ASTN2: variants seen among roughly 807,000 people sequenced by gnomAD.
The protein encoded by ASTN2 is astrotactin-2.
ASTN2 carries 54 observed loss-of-function variants against 139.8 expected under a neutral mutation model. The ratio of observed to expected loss-of-function variants is 0.39; its 90% CI spans 0.31 to 0.48. The LOEUF (loss-of-function observed/expected upper bound fraction) is 0.48. ASTN2 is among the 20% of genes least tolerant of loss of function. ASTN2 has a pLI of 0.95. For synonymous variants in ASTN2, 756 were observed against 719.5 expected, an observed-to-expected ratio of 1.05 and a Z score of -0.81; for missense variants, 1,565 against 1,725.1, an observed-to-expected ratio of 0.91 and a Z score of 1.64.
intron 5 of ASTN2, among the ~76,000 whole-genome samples, chr9:117,075,438 A>T (rs1828253721): frequency 1.3e-5 from 2 of 150,194 alleles, no homozygotes; most frequent in Non-Finnish European, 3.0e-5. Context: ...AGGCTCATGA[A>T]TCCTGAACCA....
chr9:116,676,099 C>T (rs1859482020), intron 16 of ASTN2, among the ~76,000 whole-genome samples: 1 of 152,076 alleles, frequency 6.6e-6, no homozygotes, highest in African/African-American at 2.4e-5. Context: ...GTGGCTTGAC[C>T]CCCACAGCTA....
chr9:117,364,351 G>A (rs1231349824), intron 1 of ASTN2, among the ~76,000 whole-genome samples: 1 of 152,136 alleles, frequency 6.6e-6, no homozygotes, highest in South Asian at 2.1e-4. Flanking sequence ...TCAAGCATTG[G>A]GCTACATTTT....
intron 3 of ASTN2, among the ~76,000 whole-genome samples, chr9:117,141,797 T>C (rs936589115): frequency 2.0e-5 from 3 of 152,236 alleles, no homozygotes; most frequent in Non-Finnish European, 2.9e-5. Context: ...TAATTCTTAG[T>C]TCAGTAGGAG....
chr9:116,881,935 G>A (rs1170573986), intron 10 of ASTN2, among the ~76,000 whole-genome samples: 14 of 151,940 alleles, frequency 9.2e-5, no homozygotes, highest in Admixed American at 9.2e-4. Context: ...AATGAATGGA[G>A]TTTTTATGTG....
At chr9:117,063,255 G>A (rs1839345700) in intron 5 of ASTN2, among the ~76,000 whole-genome samples, 1 of 152,082 alleles carries the variant, frequency 6.6e-6, no homozygotes, top group Non-Finnish European at 1.5e-5. Context: ...GAACCATTTG[G>A]GGCTCATCTG....
chr9:116,881,888 A>C (rs1215186974), intron 10 of ASTN2, among the ~76,000 whole-genome samples: 1 of 152,186 alleles, frequency 6.6e-6, no homozygotes, highest in Non-Finnish European at 1.5e-5. Context: ...GAACTATTTG[A>C]TGTTTCGAAG....
chr9:116,551,524 C>G (rs1368880020), intron 19 of ASTN2, among the ~76,000 whole-genome samples: 2 of 152,216 alleles, frequency 1.3e-5, no homozygotes, highest in African/African-American at 4.8e-5. Context: ...GGACTCAGTT[C>G]TATCAGTTAC....
intron 2 of ASTN2, among the ~76,000 whole-genome samples, chr9:117,279,994 G>T (rs927530388): frequency 4.0e-5 from 6 of 151,622 alleles, no homozygotes; most frequent in Non-Finnish European, 7.4e-5. Context: ...TTTTTATTTT[G>T]GTCCAGGATC....
chr9:116,872,692 A>G (rs1833197709), intron 10 of ASTN2, among the ~76,000 whole-genome samples: 1 of 152,150 alleles, frequency 6.6e-6, no homozygotes, highest in South Asian at 2.1e-4. Flanking sequence ...GGAGGAGGTA[A>G]TGTTGAGCCT....
chr9:116,444,102 TCTC>T (rs1330171821), intron 20 of ASTN2, among the ~76,000 whole-genome samples: 1 of 67,210 alleles, frequency 1.5e-5, no homozygotes, highest in East Asian at 7.7e-4. Flanking sequence ...GCACTATTAC[TCTC>T]TTTATTTTAT....
At chr9:117,220,672 G>A (rs1407125712) in intron 2 of ASTN2, among the ~76,000 whole-genome samples, 1 of 152,094 alleles carries the variant, frequency 6.6e-6, no homozygotes, top group African/African-American at 2.4e-5. Context: ...AAAGGCATGG[G>A]ACAGATTCTC....
At chr9:116,869,883 C>A (rs774502851) in intron 10 of ASTN2, among the ~76,000 whole-genome samples, 2 of 151,644 alleles carry the variant, frequency 1.3e-5, no homozygotes, top group Non-Finnish European at 2.9e-5. Flanking sequence ...GTGGGAGGAT[C>A]GCTTGAGCCC....
chr9:117,274,588 A>G (rs1311802088), intron 2 of ASTN2, among the ~76,000 whole-genome samples: 5 of 152,214 alleles, frequency 3.3e-5, no homozygotes, highest in Admixed American at 1.3e-4. Context: ...TAGCATCTTA[A>G]ATTCAAAGTC....
At chr9:117,235,331 T>C (rs1833014867) in intron 2 of ASTN2, among the ~76,000 whole-genome samples, 3 of 152,154 alleles carry the variant, frequency 2.0e-5, no homozygotes, top group Admixed American at 6.5e-5. Flanking sequence ...GAATGCATTA[T>C]TAAAACAAAT....
At chr9:117,008,611 C>A (rs1837427027) in intron 6 of ASTN2, among the ~76,000 whole-genome samples, 1 of 152,052 alleles carries the variant, frequency 6.6e-6, no homozygotes, top group South Asian at 2.1e-4. Context: ...TGGAATGTAC[C>A]TCATGGAGTT....
intron 1 of ASTN2, among the ~76,000 whole-genome samples, chr9:117,412,927 C>T (rs1219637085): frequency 6.6e-6 from 1 of 152,154 alleles, no homozygotes; most frequent in Non-Finnish European, 1.5e-5. Context: ...CACAGGTGCA[C>T]GTGGGAAGAG....
chr9:116,547,333 C>T (rs762284002), intron 19 of ASTN2: 1 of 152,230 alleles, frequency 6.6e-6, no homozygotes, highest in East Asian at 1.9e-4. Context: ...ATTGGCAAGA[C>T]AAGCATCAAT....
intron 22 of ASTN2, among the ~76,000 whole-genome samples, chr9:116,427,499 G>T (rs1410734000): frequency 6.6e-6 from 1 of 152,212 alleles, no homozygotes; most frequent in African/African-American, 2.4e-5. Flanking sequence ...ACTTTTCTCT[G>T]CATTCCAGCA....
chr9:116,473,384 A>G lies in ASTN2; in HGVS notation c.3497+13975T>C, dbSNP rs7044126. ...TTCATTCTTTATGATAAAGAGAAAC[A>G]TTATAGGTTCAAGGAATAGTAGAAT... On this transcript the variant is annotated intron_variant, in intron 20 of 22. Transcript: ENST00000313400. Among the ~76,000 whole-genome samples the G allele has an allele frequency of 5.0e-3, 757 of 152,336 alleles. 5 individuals are homozygous for G. The highest frequency in any genetic ancestry group is 0.018 in the African/African-American group (734 of 41,584).
Sources: allele counts gnomAD v4.1 joint callset (sites outside exome capture counted in the v4.1 genomes callset), GRCh38; gene constraint gnomAD v4.1.1; transcripts MANE v1.5; gene names NCBI Gene and HGNC (gene_info 2026-07-23, HGNC 2026-07-21).